The following BCAS4 variants were observed in gnomAD, a reference collection of about 807,000 sequenced individuals.
BCAS4 encodes the protein breast carcinoma amplified sequence 4.
In BCAS4, 9 loss-of-function variants were observed where a neutral mutation model predicts 15.7. The ratio of observed to expected loss-of-function variants is 0.57; its 90% CI spans 0.34 to 1.00. The LOEUF (loss-of-function observed/expected upper bound fraction) is 1.00, where lower values mean the gene tolerates loss of function less well. Ranked by LOEUF, BCAS4 falls within the 50% of genes least tolerant of loss-of-function variation. The pLI is 0.02. For missense variants in BCAS4, 225 were observed against 239.1 expected (o/e 0.94, Z 0.39); for synonymous variants, 101 against 99.5 (o/e 1.02, Z -0.09).
chr20:50,876,528 C>G lies in BCAS4; in HGVS notation c.442C>G (p.Leu148Val), dbSNP rs1015767567. Reference protein sequence around the residue: ...PVPVTYELPTLYRTEDYFPVD... With the variant: ...PVPVTYELPTVYRTEDYFPVD... Reference sequence around the variant, plus strand: ...GCCCGTGACGTACGAGCTGCCCACACTGTATAGGACGGAGGACTATTTTCC... The same window carrying G: ...GCCCGTGACGTACGAGCTGCCCACAGTGTATAGGACGGAGGACTATTTTCC... The change falls in exon 5 of 5, where the codon CTG becomes GTG. Residue 148 changes from leucine (L) to valine (V), a missense_variant. Leu to Val is a conservative substitution (Grantham distance 32, BLOSUM62 1). Transcript: ENST00000371608. 2 of 1,614,024 alleles carry G rather than the reference C, an allele frequency of 1.2e-6. No homozygotes were observed. Among genetic ancestry groups the G allele is most frequent in the Admixed American group, 1.7e-5 (1 of 60,002 alleles).
chr20:50,831,355 G>C (rs897479406), intron 3 of BCAS4, among the ~76,000 whole-genome samples: 15 of 152,112 alleles, frequency 9.9e-5, no homozygotes, highest in Non-Finnish European at 2.1e-4. Context: ...AGAGGTTGCA[G>C]TGAGCCAAGA....
chr20:50,857,614 C>T (rs1978833156), intron 4 of BCAS4, among the ~76,000 whole-genome samples: 1 of 152,190 alleles, frequency 6.6e-6, no homozygotes, highest in Non-Finnish European at 1.5e-5. Context: ...GGACAGTTTA[C>T]TGCGCTGGAT....
chr20:50,860,138 A>G (rs1253267918), intron 4 of BCAS4, among the ~76,000 whole-genome samples: 1 of 152,116 alleles, frequency 6.6e-6, no homozygotes, highest in Non-Finnish European at 1.5e-5. Context: ...CCTGCCTGGA[A>G]AAAGAACACA....
chr20:50,828,422 A>G (rs1257873013), intron 2 of BCAS4, among the ~76,000 whole-genome samples: 2 of 152,126 alleles, frequency 1.3e-5, no homozygotes, highest in East Asian at 3.8e-4. Flanking sequence ...AACCACAAGA[A>G]GTCTGATGTA....
At chr20:50,852,369 T>A (rs1388017825) in intron 4 of BCAS4, among the ~76,000 whole-genome samples, 2 of 150,990 alleles carry the variant, frequency 1.3e-5, no homozygotes, top group Non-Finnish European at 3.0e-5. Flanking sequence ...TGTGGCTTTG[T>A]GTGTGTGTGT....
At chr20:50,803,783 A>T (rs1363975657) in intron 1 of BCAS4, among the ~76,000 whole-genome samples, 1 of 149,510 alleles carries the variant, frequency 6.7e-6, no homozygotes, top group East Asian at 2.0e-4. Context: ...ACAAAATGAG[A>T]CAGTGAGACT....
intron 4 of BCAS4, chr20:50,876,037 G>T (rs1050513716): frequency 6.6e-6 from 3 of 455,774 alleles, no homozygotes; most frequent in Non-Finnish European, 1.3e-5. Flanking sequence ...TGCAACCTCC[G>T]CCTCCCGGGT....
chr20:50,798,343 A>G (rs1411667882), intron 1 of BCAS4, among the ~76,000 whole-genome samples: 1 of 152,046 alleles, frequency 6.6e-6, no homozygotes, highest in Non-Finnish European at 1.5e-5. Flanking sequence ...AAAAAAGAAA[A>G]GAAACAGGTG....
At chr20:50,875,793 A>AG (rs199933684) in intron 4 of BCAS4, among the ~76,000 whole-genome samples, 3,048 of 151,736 alleles carry the variant, frequency 0.02, 107 homozygotes, top group African/African-American at 0.07. Context: ...AAAGAAAAAA[A>AG]AAAATCAGTC....
chr20:50,852,509 G>T (rs1314382321), intron 4 of BCAS4, among the ~76,000 whole-genome samples: 1 of 152,106 alleles, frequency 6.6e-6, no homozygotes, highest in Non-Finnish European at 1.5e-5. Flanking sequence ...AGCCTCCTAA[G>T]TAGCTGAGAC....
chr20:50,845,469 GTCTCCACCAAGGGCTTGGA>G (rs1219776993), intron 4 of BCAS4, among the ~76,000 whole-genome samples: 10 of 152,090 alleles, frequency 6.6e-5, no homozygotes, highest in African/African-American at 1.9e-4. Flanking sequence ...TGACATTCCA[GTCTCCACCAAGGGCTTGGA>G]TCTCCACCAA....
At chr20:50,872,353 G>A (rs1315576253) in intron 4 of BCAS4, among the ~76,000 whole-genome samples, 27 of 149,636 alleles carry the variant, frequency 1.8e-4, no homozygotes, top group Non-Finnish European at 3.0e-4. Context: ...GGTGGATCAC[G>A]AGGTCAGGAG....
chr20:50,839,370 T>A (rs2088449704), intron 3 of BCAS4, among the ~76,000 whole-genome samples: 1 of 152,226 alleles, frequency 6.6e-6, no homozygotes, highest in African/African-American at 2.4e-5. Context: ...TATTTTTTTT[T>A]AAAGTGTAGA....
intron 1 of BCAS4, among the ~76,000 whole-genome samples, chr20:50,805,648 G>A (rs760966521): frequency 9.2e-5 from 14 of 152,098 alleles, no homozygotes; most frequent in South Asian, 8.3e-4. Flanking sequence ...CACCTGCACT[G>A]CTGTTTTTCT....
At chr20:50,846,042 A>G (rs1373647289) in intron 4 of BCAS4, among the ~76,000 whole-genome samples, 1 of 152,170 alleles carries the variant, frequency 6.6e-6, no homozygotes, top group African/African-American at 2.4e-5. Context: ...CCTACCTTTG[A>G]GCTGCCTGAG....
chr20:50,863,610 G>A (rs1157978283), intron 4 of BCAS4, among the ~76,000 whole-genome samples: 1 of 152,034 alleles, frequency 6.6e-6, no homozygotes, highest in African/African-American at 2.4e-5. Context: ...CTTCCAGGCC[G>A]GCCAACAAAA....
At chr20:50,842,303 G>T (rs2088494300) in intron 4 of BCAS4, among the ~76,000 whole-genome samples, 2 of 152,192 alleles carry the variant, frequency 1.3e-5, no homozygotes, top group Non-Finnish European at 2.9e-5. Context: ...AGGGGGACGG[G>T]CGTCCCTCCT....
rs778613136 is a variant in BCAS4 at position 50,876,563 on chromosome 20, C to T, written c.477C>T (p.Ala159=). The T allele has an allele frequency of 9.9e-6, 16 of 1,613,932 alleles. No individual in the cohort carries two copies. Among genetic ancestry groups the T allele is most frequent in the African/African-American group, 1.3e-5 (1 of 74,886 alleles). ...CGGAGGACTATTTTCCTGTGGACGCCGGGGAAGCACAGCACCACCCCCGCA... is the reference window on the plus strand; with the variant it reads ...CGGAGGACTATTTTCCTGTGGACGCTGGGGAAGCACAGCACCACCCCCGCA... ...YRTEDYFPVD[A]GEAQHHPRTC... The change falls in exon 5 of 5, where the codon GCC becomes GCT. Residue 159 remains alanine (A), a synonymous_variant. Coordinates refer to ENST00000371608, the MANE Select transcript of BCAS4 (RefSeq NM_198799.4).
intron 4 of BCAS4, among the ~76,000 whole-genome samples, chr20:50,854,198 T>A (rs1978630229): frequency 6.6e-6 from 1 of 152,178 alleles, no homozygotes; most frequent in Non-Finnish European, 1.5e-5. Flanking sequence ...CCGGGTTTTG[T>A]ATCTTGGTGG....
Sources: allele counts gnomAD v4.1 joint callset (sites outside exome capture counted in the v4.1 genomes callset), GRCh38; gene constraint gnomAD v4.1.1; transcripts MANE v1.5; gene names NCBI Gene and HGNC (gene_info 2026-07-23, HGNC 2026-07-21).